Variants in SCG5 observed in about 807,000 individuals in gnomAD.
The protein encoded by SCG5 is secretogranin V, also known as neuroendocrine protein 7B2.
A neutral mutation model predicts 25.7 loss-of-function variants in SCG5; 18 were observed. The ratio of observed to expected loss-of-function variants is 0.70; its 90% confidence interval spans 0.48 to 1.04. The LOEUF is 1.04. Ranked by LOEUF, SCG5 falls within the 50% of genes least tolerant of loss-of-function variation. The pLI, the probability that SCG5 is intolerant of heterozygous loss-of-function variation, is 0.00. For synonymous variants in SCG5, 101 were observed against 91.7 expected (o/e 1.10, Z -0.58); for missense variants, 206 against 259.8 (o/e 0.79, Z 1.42).
intron 2 of SCG5, among the ~76,000 whole-genome samples, chr15:32,667,519 G>A (rs1026343586): frequency 6.6e-6 from 1 of 152,208 alleles, no homozygotes; most frequent in African/African-American, 2.4e-5. Flanking sequence ...ACCTCCTTTG[G>A]ACTTTAAGGC....
intron 2 of SCG5, among the ~76,000 whole-genome samples, chr15:32,652,019 A>G (rs1449475629): frequency 6.6e-6 from 1 of 152,214 alleles, no homozygotes; most frequent in East Asian, 1.9e-4. Flanking sequence ...GGCCAGGTAG[A>G]TGAAGAAGAA....
chr15:32,670,812 T>C (rs896294767), intron 2 of SCG5, among the ~76,000 whole-genome samples: 3 of 152,320 alleles, frequency 2.0e-5, no homozygotes, highest in Admixed American at 1.3e-4. Flanking sequence ...TAGTTTTGAA[T>C]TGATGAGGAG....
intron 2 of SCG5, 109 bp from the exon 3 acceptor site, chr15:32,679,657 C>G: frequency 8.5e-7 from 1 of 1,181,098 alleles, no homozygotes; most frequent in South Asian, 1.4e-5. Context: ...TTATTTTTCT[C>G]TCCCCACAGC....
chr15:32,648,074 T>C (rs985865270), intron 2 of SCG5, among the ~76,000 whole-genome samples: 2 of 152,220 alleles, frequency 1.3e-5, no homozygotes, highest in African/African-American at 4.8e-5. Context: ...GTTTCGATCC[T>C]GATTTCTCAA....
chr15:32,691,055 A>G (rs1019704263), intron 4 of SCG5, among the ~76,000 whole-genome samples: 1 of 152,080 alleles, frequency 6.6e-6, no homozygotes, highest in African/African-American at 2.4e-5. Context: ...GAAGCCCACT[A>G]TGTGTTTGAA....
intron 3 of SCG5, among the ~76,000 whole-genome samples, chr15:32,680,845 A>G (rs1393029174): frequency 6.6e-6 from 1 of 152,166 alleles, no homozygotes; most frequent in Non-Finnish European, 1.5e-5. Context: ...AGTGGGCTTC[A>G]CTTACATCCG....
intron 2 of SCG5, among the ~76,000 whole-genome samples, chr15:32,679,391 G>A (rs565479330): frequency 6.6e-6 from 1 of 151,980 alleles, no homozygotes; most frequent in Admixed American, 6.6e-5. Flanking sequence ...TAGTAGAGCC[G>A]GGGTTTCATT....
At chr15:32,680,797 A>C (rs1445647395) in intron 3 of SCG5, among the ~76,000 whole-genome samples, 1 of 152,012 alleles carries the variant, frequency 6.6e-6, no homozygotes, top group Admixed American at 6.6e-5. Context: ...CATGCATCCC[A>C]CCCACTTTCC....
chr15:32,644,238 G>A (rs939602370), intron 2 of SCG5, among the ~76,000 whole-genome samples: 2 of 152,278 alleles, frequency 1.3e-5, no homozygotes, highest in South Asian at 4.1e-4. Context: ...TGTGTCATCA[G>A]ATAGCTGCCT....
intron 5 of SCG5, among the ~76,000 whole-genome samples, chr15:32,695,057 C>T (rs889080545): frequency 2.6e-5 from 4 of 151,558 alleles, no homozygotes; most frequent in Admixed American, 2.0e-4. Flanking sequence ...GCTCTGTCGC[C>T]CAGGCTGGAC....
At chr15:32,674,519 T>A (rs1200383663) in intron 2 of SCG5, among the ~76,000 whole-genome samples, 1 of 152,226 alleles carries the variant, frequency 6.6e-6, no homozygotes, top group Non-Finnish European at 1.5e-5. Context: ...TACTAACAAC[T>A]GATCTTCAAA....
intron 4 of SCG5, 103 bp from the exon 5 acceptor site, chr15:32,691,607 T>C (rs559519880): frequency 5.4e-5 from 47 of 874,038 alleles, no homozygotes; most frequent in South Asian, 4.1e-4. Flanking sequence ...AATATGCGTA[T>C]GCAAATATCT....
intron 2 of SCG5, among the ~76,000 whole-genome samples, chr15:32,674,893 G>C (rs2054504061): frequency 6.6e-6 from 1 of 152,158 alleles, no homozygotes; most frequent in African/African-American, 2.4e-5. Context: ...TCCAGCACAG[G>C]CCAAGAAAGA....
intron 2 of SCG5, among the ~76,000 whole-genome samples, chr15:32,664,082 AC>A (rs753273551): frequency 6.6e-6 from 1 of 152,196 alleles, no homozygotes; most frequent in Non-Finnish European, 1.5e-5. Context: ...TACTGTGAGC[AC>A]CCAGTGAGAG....
At chr15:32,648,976 T>A (rs984406326) in intron 2 of SCG5, among the ~76,000 whole-genome samples, 1 of 152,188 alleles carries the variant, frequency 6.6e-6, no homozygotes, top group African/African-American at 2.4e-5. Flanking sequence ...TTTCACCGTG[T>A]TAGCCTCCTG....
At chr15:32,674,482 T>C (rs941985529) in intron 2 of SCG5, among the ~76,000 whole-genome samples, 1 of 152,152 alleles carries the variant, frequency 6.6e-6, no homozygotes, top group Non-Finnish European at 1.5e-5. Context: ...CAGAAGGTAT[T>C]TAATTTTCAT....
chr15:32,660,937 T>C (rs746560677), intron 2 of SCG5, among the ~76,000 whole-genome samples: 8 of 152,230 alleles, frequency 5.3e-5, no homozygotes, highest in Non-Finnish European at 1.0e-4. Context: ...TGAGATATAA[T>C]TTAAAGGGTA....
Position 32,657,209 on chromosome 15 carries a change from A to ATATATATATGTATG in SCG5, c.226+13394_226+13395insATATATGTATGTAT. Among the ~76,000 whole-genome samples, 23 of 38,736 alleles carry ATATATATATGTATG rather than the reference A, an allele frequency of 5.9e-4. 3 individuals are homozygous for ATATATATATGTATG. Among genetic ancestry groups the ATATATATATGTATG allele is most frequent in the African/African-American group, 9.2e-4 (16 of 17,328 alleles). 25.4% of individuals were successfully genotyped at this position (38,736 alleles called of 152,430 possible). A position where few individuals can be genotyped will look rare whatever the true frequency, so the allele number is the denominator to read the frequency against. ...TTCTTTCATCCTCCTGTATATATATATATGTATGTATTTCCAGGTGTAAGT... is the reference window on the plus strand; with the variant it reads ...TTCTTTCATCCTCCTGTATATATATATATATATATGTATGTATGTATGTATTTCCAGGTGTAAGT... On this transcript the variant is annotated intron_variant, in intron 2 of 5. Coordinates refer to ENST00000300175, the MANE Select transcript of SCG5 (RefSeq NM_001144757.3).
At chr15:32,663,080 A>ATATAT (rs2054262511) in intron 2 of SCG5, among the ~76,000 whole-genome samples, 18 of 77,680 alleles carry the variant, frequency 2.3e-4, no homozygotes, top group African/African-American at 7.6e-4. Flanking sequence ...TATATATATA[A>ATATAT]TATATAATAT....
Sources: allele counts gnomAD v4.1 joint callset (sites outside exome capture counted in the v4.1 genomes callset), GRCh38; gene constraint gnomAD v4.1.1; transcripts MANE v1.5; gene names NCBI Gene and HGNC (gene_info 2026-07-23, HGNC 2026-07-21).